The following SNX8 variants were observed in gnomAD, a reference collection of about 807,000 sequenced individuals.
The protein encoded by SNX8 is sorting nexin-8.
In SNX8, 25 loss-of-function variants were observed where a neutral mutation model predicts 51.6. The ratio of observed to expected loss-of-function variants is 0.48; its 90% confidence interval spans 0.35 to 0.68. SNX8 has a LOEUF of 0.68. Ranked by LOEUF, SNX8 falls within the 30% of genes least tolerant of loss-of-function variation. The pLI is 0.00. For synonymous variants in SNX8, 324 were observed against 277.0 expected (o/e 1.17, Z -1.68); for missense variants, 695 against 624.0 (o/e 1.11, Z -1.21).
Position 2,253,748 on chromosome 7 carries a change from C to A in SNX8, c.*1308G>T, listed in dbSNP as rs1795101835. ...ATGGATCACCTGCCTGCGGGGCACACACAGGAGTCCCCTCTCCATCCCACG... is the reference window on the plus strand; with the variant it reads ...ATGGATCACCTGCCTGCGGGGCACAAACAGGAGTCCCCTCTCCATCCCACG... On this transcript the variant is annotated 3_prime_UTR_variant, in exon 11 of 11. Transcript: ENST00000222990. 1 of 152,316 alleles carries A rather than the reference C, an allele frequency of 6.6e-6. No individual in the cohort carries two copies. 9.4% of individuals were successfully genotyped at this position (152,316 alleles called of 1,614,324 possible). A position where few individuals can be genotyped will look rare whatever the true frequency, so the allele number is the denominator to read the frequency against.
intron 5 of SNX8, among the ~76,000 whole-genome samples, chr7:2,267,235 A>G (rs1435108190): frequency 6.6e-6 from 1 of 152,222 alleles, no homozygotes; most frequent in Admixed American, 6.5e-5. Context: ...ATCACTTTGA[A>G]GGGTTAAAAC....
chr7:2,310,882 T>C (rs1796645766), intron 1 of SNX8, among the ~76,000 whole-genome samples: 1 of 152,108 alleles, frequency 6.6e-6, no homozygotes, highest in Admixed American at 6.6e-5. Context: ...TGAGTACATA[T>C]ATGAATAAAA....
chr7:2,321,742 G>C (rs1280562594), intron 1 of SNX8, among the ~76,000 whole-genome samples: 6 of 89,250 alleles, frequency 6.7e-5, no homozygotes, highest in African/African-American at 2.8e-4. Context: ...TTGAGACAGA[G>C]TCTCACGCTT....
At chr7:2,314,506 C>A (rs1796723234), upstream of SNX8, 6 of 1,142,154 alleles carry the variant, frequency 5.3e-6, no homozygotes, top group African/African-American at 1.6e-5. Flanking sequence ...CGCCCACACC[C>A]CGCCTGGTCA....
intron 4 of SNX8, among the ~76,000 whole-genome samples, chr7:2,270,453 C>A (rs1396871861): frequency 6.6e-6 from 1 of 151,574 alleles, no homozygotes; most frequent in Non-Finnish European, 1.5e-5. Context: ...ATAGTGAGAC[C>A]CCATCTCTAA....
At chr7:2,278,062 C>T in intron 2 of SNX8, 38 bp downstream of exon 2, 2 of 1,596,996 alleles carry the variant, frequency 1.3e-6, no homozygotes, top group Non-Finnish European at 1.7e-6. Context: ...CCCTTTCTTC[C>T]CCCTCCTGCC....
At chr7:2,289,839 G>A (rs1183066724) in intron 1 of SNX8, among the ~76,000 whole-genome samples, 1 of 152,178 alleles carries the variant, frequency 6.6e-6, no homozygotes, top group Admixed American at 6.6e-5. Flanking sequence ...GGAGGCTACA[G>A]TGAGCCATGA....
At chr7:2,270,446 G>C (rs899943825) in intron 4 of SNX8, among the ~76,000 whole-genome samples, 26 of 150,478 alleles carry the variant, frequency 1.7e-4, no homozygotes, top group African/African-American at 6.3e-4. Flanking sequence ...GGGTAACATA[G>C]TGAGACCCCA....
chr7:2,334,869 GAA>G (rs71023399), intron 1 of SNX8, among the ~76,000 whole-genome samples: 2 of 80,108 alleles, frequency 2.5e-5, no homozygotes, highest in African/African-American at 1.1e-4. Context: ...GCCCATCTCT[GAA>G]AAAAAAAAAA....
intron 1 of SNX8, among the ~76,000 whole-genome samples, chr7:2,313,253 C>T (rs974297315): frequency 6.6e-6 from 1 of 151,750 alleles, no homozygotes; most frequent in African/African-American, 2.4e-5. Flanking sequence ...AGGCCAGGCG[C>T]GGTGGCTCAC....
At chr7:2,267,469 C>T (rs1320065515) in intron 5 of SNX8, among the ~76,000 whole-genome samples, 4 of 131,360 alleles carry the variant, frequency 3.0e-5, no homozygotes, top group Admixed American at 1.5e-4. Context: ...ATTGCAGGCA[C>T]GCGCCGCCAC....
intron 1 of SNX8, among the ~76,000 whole-genome samples, chr7:2,348,485 C>A (rs987923063): frequency 6.6e-6 from 1 of 151,774 alleles, no homozygotes; most frequent in African/African-American, 2.4e-5. Flanking sequence ...GGACTACAGG[C>A]GCCCGCCACC....
At chr7:2,300,863 G>A (rs1169671502) in intron 1 of SNX8, among the ~76,000 whole-genome samples, 3 of 151,974 alleles carry the variant, frequency 2.0e-5, no homozygotes, top group South Asian at 2.1e-4. Flanking sequence ...GGCTGTTCTC[G>A]AACTCCTGAC....
intron 1 of SNX8, among the ~76,000 whole-genome samples, chr7:2,330,484 G>A (rs1165994465): frequency 6.6e-6 from 1 of 152,024 alleles, no homozygotes; most frequent in Non-Finnish European, 1.5e-5. Context: ...TGCATTTCCT[G>A]GAGTGCTGTG....
At chr7:2,324,472 G>C (rs1778592709) in intron 1 of SNX8, among the ~76,000 whole-genome samples, 1 of 151,782 alleles carries the variant, frequency 6.6e-6, no homozygotes, top group African/African-American at 2.4e-5. Context: ...TTGTATTTTA[G>C]TAGAGACAGG....
chr7:2,330,419 G>T (rs1253059038), intron 1 of SNX8, among the ~76,000 whole-genome samples: 1 of 152,122 alleles, frequency 6.6e-6, no homozygotes, highest in Non-Finnish European at 1.5e-5. Context: ...TTACAGGTGT[G>T]AGCCACCGTG....
At chr7:2,318,676 A>T (rs962857807), upstream of SNX8, among the ~76,000 whole-genome samples, 3 of 151,826 alleles carry the variant, frequency 2.0e-5, no homozygotes, top group Non-Finnish European at 4.4e-5. Flanking sequence ...GCTTGGGCGA[A>T]AACAGGGAGA....
intron 1 of SNX8, among the ~76,000 whole-genome samples, chr7:2,333,184 G>A (rs943259116): frequency 1.3e-5 from 2 of 151,898 alleles, no homozygotes; most frequent in East Asian, 1.9e-4. Flanking sequence ...AAAGTGCTGG[G>A]ATTACAGGTG....
intron 1 of SNX8, among the ~76,000 whole-genome samples, chr7:2,300,626 G>A (rs1257627481): frequency 1.3e-5 from 2 of 151,794 alleles, no homozygotes; most frequent in African/African-American, 2.4e-5. Flanking sequence ...GTAATGCCCA[G>A]GCTGGTCTTT....
Sources: gnomAD v4.1 joint callset for allele counts (sites outside exome capture counted in the v4.1 genomes callset) on GRCh38, gnomAD v4.1.1 for gene constraint, MANE v1.5 for transcripts, NCBI Gene and HGNC (gene_info 2026-07-23, HGNC 2026-07-21) for gene names.